Variants in TLE1 observed in about 807,000 individuals in gnomAD.
TLE1 encodes the protein TLE family member 1, transcriptional corepressor.
Under a neutral mutation model 89.8 loss-of-function variants are expected in TLE1, and 21 were observed. The ratio of observed to expected loss-of-function variants is 0.23; its 90% confidence interval spans 0.17 to 0.34. The LOEUF (loss-of-function observed/expected upper bound fraction) is 0.34. TLE1 is among the 10% of genes least tolerant of loss of function. The pLI is 1.00. For synonymous variants in TLE1, 447 were observed against 407.6 expected (o/e 1.10, Z -1.16); for missense variants, 795 against 1,031.2 (o/e 0.77, Z 3.14).
chr9:81,639,598 T>G (rs886475615), intron 6 of TLE1, among the ~76,000 whole-genome samples: 2 of 149,328 alleles, frequency 1.3e-5, no homozygotes, highest in African/African-American at 2.5e-5. Flanking sequence ...GTTTTTTTTT[T>G]TTTTGAGACA....
rs748251665 is a variant in TLE1 at position 81,610,301 on chromosome 9, A to T, written c.1255-5T>A. ...AGGGGGAGGATCAAACCCCACCTGG[A>T]AACAAAAATAAGGCATTGCAGACTC... On this transcript the variant is annotated splice_region_variant and splice_polypyrimidine_tract_variant and intron_variant, in intron 13 of 19. Transcript: ENST00000376499. The T allele has an allele frequency of 1.1e-5, 17 of 1,613,114 alleles. No homozygotes were observed. The highest frequency in any genetic ancestry group is 9.3e-6 in the Non-Finnish European group (11 of 1,179,408).
rs370564897 is a variant in TLE1, at chr9:81,611,979, G to A, written c.1064-20C>T. On this transcript the variant is annotated intron_variant, in intron 12 of 19. Coordinates refer to ENST00000376499, the MANE Select transcript of TLE1 (RefSeq NM_005077.5). ...CAGCTGCTGAAAGGAAACACAAGCCGCACATCATTCAACTGACCCACTCCA... is the reference window on the plus strand; with the variant it reads ...CAGCTGCTGAAAGGAAACACAAGCCACACATCATTCAACTGACCCACTCCA... 170 of 1,428,926 alleles carry A rather than the reference G, an allele frequency of 1.2e-4. No individual in the cohort carries two copies. Among genetic ancestry groups the A allele is most frequent in the Admixed American group, 1.7e-4 (6 of 34,398 alleles). The allele number at this position is 1,428,926 out of a possible 1,614,324, so 88.5% of individuals were successfully genotyped here. A position where few individuals can be genotyped will look rare whatever the true frequency, so the allele number is the denominator to read the frequency against.
At chr9:81,590,167 GTGAGCAC>G (rs72410619) in intron 16 of TLE1, among the ~76,000 whole-genome samples, 26,666 of 152,092 alleles carry the variant, frequency 0.18, 2,835 homozygotes, top group Middle Eastern at 0.3. Flanking sequence ...CAGCTCTGGT[GTGAGCAC>G]TGACTTCTGA....
chr9:81,607,060 T>TAAA (rs34328471), intron 14 of TLE1, among the ~76,000 whole-genome samples: 8,592 of 139,534 alleles, frequency 0.062, 863 homozygotes, highest in African/African-American at 0.21. Context: ...CCAGTGTCTC[T>TAAA]AAAAAAAAAA....
At chr9:81,665,709 T>C (rs921150721) in intron 4 of TLE1, among the ~76,000 whole-genome samples, 1 of 152,156 alleles carries the variant, frequency 6.6e-6, no homozygotes, top group Admixed American at 6.5e-5. Flanking sequence ...CAGAGGCTCT[T>C]GAATGCATTC....
In TLE1 at chr9:81,605,062, C is replaced by A. The variant is rs187486538; in HGVS notation, c.1331+5158G>T. Among the ~76,000 whole-genome samples the A allele has an allele frequency of 9.3e-4, 142 of 152,352 alleles. 1 individual carries two copies. Among genetic ancestry groups the A allele is most frequent in the Middle Eastern group, 3.4e-3 (1 of 294 alleles). On this transcript the variant is annotated intron_variant, in intron 14 of 19. Coordinates refer to ENST00000376499, the MANE Select transcript of TLE1 (RefSeq NM_005077.5). ...TTCCTGGAGCATGCCTGGCATCGCA[C>A]ACAAAGCCTGACAGTTCACACTCAG...
Position 81,651,564 on chromosome 9 carries a change from A to T in TLE1, c.372+650T>A, listed in dbSNP as rs537616554. Among the ~76,000 whole-genome samples, 31 of 152,296 alleles carry T rather than the reference A, an allele frequency of 2.0e-4. No homozygotes were observed. In the South Asian group the frequency reaches 6.4e-3, roughly 32 times the overall value. ...CGCTCTTTTCATTGGTGTGTGACTT[A>T]AAAATTCATGAAAGAGGCACAAGAA... On this transcript the variant is annotated intron_variant, in intron 6 of 19. Transcript: ENST00000376499.
chr9:81,685,906 CA>C lies in TLE1; in HGVS notation c.126-11del. On this transcript the variant is annotated splice_polypyrimidine_tract_variant and intron_variant, in intron 2 of 19. Coordinates refer to ENST00000376499, the MANE Select transcript of TLE1 (RefSeq NM_005077.5). ...ACATTCCAATTTAAGGCTAGGAAAACAAAACAGGCAACTTAATGTAAACATT... is the reference window on the plus strand; with the variant it reads ...ACATTCCAATTTAAGGCTAGGAAAACAAACAGGCAACTTAATGTAAACATT... 6.2e-7 allele frequency: 1 copy of C among 1,612,646 alleles called. No individual in the cohort carries two copies. The highest frequency in any genetic ancestry group is 8.5e-7 in the Non-Finnish European group (1 of 1,179,908).
rs1834704913 is a variant in TLE1, at chr9:81,688,912, G to A, written c.-672C>T. 6.6e-6 allele frequency: 1 copy of A among 152,554 alleles called. No individual in the cohort carries two copies. The highest frequency in any genetic ancestry group is 1.9e-4 in the East Asian group (1 of 5,146). 9.5% of individuals were successfully genotyped at this position (152,554 alleles called of 1,614,324 possible). A position where few individuals can be genotyped will look rare whatever the true frequency, so the allele number is the denominator to read the frequency against. ...CGACGGATGACGAGGCGGGGAAAGTGCGGAGGGCGCGCCGGGAGGCGGCTC... is the reference window on the plus strand; with the variant it reads ...CGACGGATGACGAGGCGGGGAAAGTACGGAGGGCGCGCCGGGAGGCGGCTC... On this transcript the variant is annotated 5_prime_UTR_variant, in exon 1 of 20. Coordinates refer to ENST00000376499, the MANE Select transcript of TLE1 (RefSeq NM_005077.5).
At chr9:81,632,255 TTTA>T (rs1826733679) in intron 8 of TLE1, among the ~76,000 whole-genome samples, 1 of 151,428 alleles carries the variant, frequency 6.6e-6, no homozygotes, top group Admixed American at 6.6e-5. Context: ...TCCAGAGAAA[TTTA>T]TAGGACAAGA....
At chr9:81,674,266 GTTTTCT>G (rs1832610326) in intron 4 of TLE1, among the ~76,000 whole-genome samples, 1 of 152,198 alleles carries the variant, frequency 6.6e-6, no homozygotes, top group African/African-American at 2.4e-5. Context: ...TTCTAATGCA[GTTTTCT>G]ATTGTGTCTG....
intron 4 of TLE1, among the ~76,000 whole-genome samples, chr9:81,655,522 C>T (rs1830054195): frequency 6.6e-6 from 1 of 152,044 alleles, no homozygotes; most frequent in Non-Finnish European, 1.5e-5. Flanking sequence ...CAACACCCTA[C>T]AGCAATGCAA....
At chr9:81,587,353 G>T (rs891659079) in intron 17 of TLE1, among the ~76,000 whole-genome samples, 1 of 152,154 alleles carries the variant, frequency 6.6e-6, no homozygotes, top group Admixed American at 6.5e-5. Flanking sequence ...TAGATGGTGA[G>T]AATATGTGCC....
In TLE1 at chr9:81,584,042, C is replaced by T; in HGVS notation, c.*156G>A. On this transcript the variant is annotated 3_prime_UTR_variant, in exon 20 of 20. Transcript: ENST00000376499. ...GGTGACTTTCTGCTGATGGACTTGT[C>T]GCCTCCTCTTTGTAGACTCAAAGTA... 4.6e-6 allele frequency: 3 copies of T among 654,724 alleles called. No individual in the cohort carries two copies. The highest frequency in any genetic ancestry group is 5.5e-5 in the Admixed American group (2 of 36,570). The allele number at this position is 654,724 out of a possible 1,614,324, so 40.6% of individuals were successfully genotyped here.
intron 12 of TLE1, chr9:81,612,224 G>T: frequency 1.1e-6 from 1 of 897,652 alleles, no homozygotes; most frequent in Non-Finnish European, 1.4e-6. Flanking sequence ...CAGGAAGCCA[G>T]GGGAATTAAG....
At chr9:81,669,564 A>ATC (rs944082239) in intron 4 of TLE1, among the ~76,000 whole-genome samples, 9 of 152,060 alleles carry the variant, frequency 5.9e-5, no homozygotes, top group African/African-American at 2.2e-4. Flanking sequence ...ATGTGCCAAA[A>ATC]TCTCCTCACT....
Position 81,590,940 on chromosome 9 carries a change from C to G in TLE1, c.1694G>C (p.Arg565Pro). The G allele has an allele frequency of 6.2e-7, 1 of 1,614,250 alleles. No individual in the cohort carries two copies. The highest frequency in any genetic ancestry group is 8.5e-7 in the Non-Finnish European group (1 of 1,180,048). ...CGAGGACGTCAGCTCCGCCTTGATGCGCGGGGTTGGAGCCGCCAGGTCCCA... is the reference window on the plus strand; with the variant it reads ...CGAGGACGTCAGCTCCGCCTTGATGGGCGGGGTTGGAGCCGCCAGGTCCCA... ...SIWDLAAPTP[R>P]IKAELTSSAP... is the part of the protein sequence containing the mutation. Residue 565 changes from arginine to proline, a missense_variant, in exon 16 of 20, where the codon CGC becomes CCC. Arg to Pro is a moderately radical substitution (Grantham distance 103). Coordinates refer to ENST00000376499, the MANE Select transcript of TLE1 (RefSeq NM_005077.5).
chr9:81,613,260 G>T lies in TLE1; in HGVS notation c.1063+117C>A. 2.9e-6 allele frequency: 4 copies of T among 1,380,532 alleles called. No homozygotes were observed. The South Asian group carries it at 5.8e-5, about 20-fold the overall frequency. The allele number at this position is 1,380,532 out of a possible 1,614,324, so 85.5% of individuals were successfully genotyped here. On this transcript the variant is annotated intron_variant, in intron 12 of 19. Coordinates refer to ENST00000376499, the MANE Select transcript of TLE1 (RefSeq NM_005077.5). Reference sequence around the variant, plus strand: ...TGGCTTTTTCAGAGATAGGAAGGAGGGTGGCCCTACGTACATTTCATATTT... The same window carrying T: ...TGGCTTTTTCAGAGATAGGAAGGAGTGTGGCCCTACGTACATTTCATATTT...
intron 6 of TLE1, 113 bp from the exon 7 acceptor site, chr9:81,634,414 C>A: frequency 1.2e-6 from 1 of 832,452 alleles, no homozygotes; most frequent in Non-Finnish European, 1.7e-6. Flanking sequence ...GAGGGGAAGG[C>A]GGAAACAGAA....
Sources: gnomAD v4.1 joint callset for allele counts (sites outside exome capture counted in the v4.1 genomes callset) on GRCh38, gnomAD v4.1.1 for gene constraint, MANE v1.5 for transcripts, NCBI Gene and HGNC (gene_info 2026-07-23, HGNC 2026-07-21) for gene names.